The following NRXN3 variants were observed in gnomAD, a reference collection of about 807,000 sequenced individuals.
NRXN3 encodes neurexin III.
A neutral mutation model predicts 137.6 loss-of-function variants in NRXN3; 32 were observed. The ratio of observed to expected loss-of-function variants is 0.23; its 90% CI spans 0.18 to 0.31. The LOEUF (loss-of-function observed/expected upper bound fraction) is 0.31. NRXN3 is among the 10% of genes least tolerant of loss of function. The pLI, the probability that NRXN3 is intolerant of heterozygous loss-of-function variation, is 1.00. For synonymous variants in NRXN3, 798 were observed against 784.5 expected (o/e 1.02, Z -0.29); for missense variants, 1,574 against 2,062.5 (o/e 0.76, Z 4.59).
At chr14:79,300,284 A>G (rs930756266) in intron 15 of NRXN3, among the ~76,000 whole-genome samples, 3 of 152,110 alleles carry the variant, frequency 2.0e-5, no homozygotes, top group Admixed American at 6.6e-5. Flanking sequence ...CGCTGGGGAA[A>G]TCCTCATACA....
intron 15 of NRXN3, among the ~76,000 whole-genome samples, chr14:79,239,695 T>C (rs1407474210): frequency 6.6e-6 from 1 of 152,186 alleles, no homozygotes; most frequent in Non-Finnish European, 1.5e-5. Flanking sequence ...AAATGATATC[T>C]GCACTCTCAT....
intron 15 of NRXN3, among the ~76,000 whole-genome samples, chr14:79,202,508 T>G (rs1365968864): frequency 6.6e-6 from 1 of 152,056 alleles, no homozygotes; most frequent in East Asian, 1.9e-4. Flanking sequence ...GTACCATATT[T>G]GTAGTCTTTT....
rs777630964 is a variant in NRXN3, at chr14:79,569,029, T to TA, written c.3445-94740dup. Among the ~76,000 whole-genome samples the TA allele has an allele frequency of 8.7e-4, 132 of 151,276 alleles. 2 individuals are homozygous for TA. Among genetic ancestry groups the TA allele is most frequent in the South Asian group, 1.5e-3 (7 of 4,766 alleles). On this transcript the variant is annotated intron_variant, in intron 16 of 20. Transcript: ENST00000335750. ...AACATGTGATTGCGGCTCTTAGACT[T>TA]AAAAAAAAATGGCTATTTTCAGAAT...
intron 17 of NRXN3, among the ~76,000 whole-genome samples, chr14:79,683,600 A>G (rs967741925): frequency 1.1e-4 from 16 of 152,188 alleles, no homozygotes; most frequent in African/African-American, 3.6e-4. Flanking sequence ...CACAGTTTCT[A>G]TAGGTCAGAA....
chr14:78,824,125 T>C (rs886350619), intron 10 of NRXN3, among the ~76,000 whole-genome samples: 2 of 146,760 alleles, frequency 1.4e-5, no homozygotes, highest in Non-Finnish European at 3.0e-5. Flanking sequence ...TTTTTTTTTT[T>C]CCAGAGCTGG....
At chr14:79,087,372 C>T (rs968285070) in intron 15 of NRXN3, among the ~76,000 whole-genome samples, 1 of 152,078 alleles carries the variant, frequency 6.6e-6, no homozygotes, top group Non-Finnish European at 1.5e-5. Context: ...GCTGCCATCC[C>T]CGGTGGAGTC....
At chr14:79,034,134 C>T (rs1466655315) in intron 15 of NRXN3, among the ~76,000 whole-genome samples, 1 of 152,036 alleles carries the variant, frequency 6.6e-6, no homozygotes, top group Non-Finnish European at 1.5e-5. Flanking sequence ...CATGTGCCTT[C>T]TAAATCAGAC....
chr14:78,469,016 A>G (rs965070695), intron 4 of NRXN3, among the ~76,000 whole-genome samples: 6 of 152,112 alleles, frequency 3.9e-5, no homozygotes, highest in African/African-American at 1.4e-4. Context: ...TCAAAGATGG[A>G]GGGAGAAAAT....
intron 16 of NRXN3, among the ~76,000 whole-genome samples, chr14:79,630,572 G>A (rs1274336567): frequency 6.6e-6 from 1 of 152,194 alleles, no homozygotes; most frequent in East Asian, 1.9e-4. Flanking sequence ...CAACATATGT[G>A]TTGCAGTTAG....
intron 4 of NRXN3, among the ~76,000 whole-genome samples, chr14:78,332,530 C>T (rs554615921): frequency 2.6e-5 from 4 of 151,974 alleles, no homozygotes; most frequent in South Asian, 4.2e-4. Context: ...TGGCCAGGCT[C>T]GTTTCGAATT....
At chr14:79,123,300 C>T (rs1312937563) in intron 15 of NRXN3, among the ~76,000 whole-genome samples, 1 of 152,120 alleles carries the variant, frequency 6.6e-6, no homozygotes, top group East Asian at 1.9e-4. Context: ...GTCCATTATT[C>T]AACTCAATGT....
chr14:79,474,220 T>C (rs1409688167), intron 16 of NRXN3, among the ~76,000 whole-genome samples: 3 of 152,150 alleles, frequency 2.0e-5, no homozygotes. Flanking sequence ...TAAATGGGCA[T>C]AAAATATTAT....
In NRXN3 at chr14:78,974,519, G is replaced by A. The variant is rs192586713; in HGVS notation, c.3142+6173G>A. The stretch of plus-strand genomic sequence containing the variant: ...CCTAAAGTAAATTGTTTACCAAAGC[G>A]TAGATACAGATTTAGGGACATAGTG... On this transcript the variant is annotated intron_variant, in intron 14 of 20. Coordinates refer to ENST00000335750, the MANE Select transcript of NRXN3 (RefSeq NM_001330195.2). Among the ~76,000 whole-genome samples the A allele has an allele frequency of 5.9e-5, 9 of 152,292 alleles. No homozygotes were observed. The East Asian group carries it at 1.4e-3, about 23-fold the overall frequency.
intron 4 of NRXN3, among the ~76,000 whole-genome samples, chr14:78,456,609 A>G (rs2094709178): frequency 6.6e-6 from 1 of 151,858 alleles, no homozygotes; most frequent in South Asian, 2.1e-4. Flanking sequence ...TTACCTTCTT[A>G]TCATCTGTCA....
intron 2 of NRXN3, among the ~76,000 whole-genome samples, chr14:78,249,156 C>T (rs955636784): frequency 5.3e-5 from 8 of 152,220 alleles, no homozygotes; most frequent in Non-Finnish European, 8.8e-5. Context: ...GACCCTTCTT[C>T]CATGTTCCCC....
At chr14:79,254,822 C>T (rs1015305028) in intron 15 of NRXN3, among the ~76,000 whole-genome samples, 3 of 149,266 alleles carry the variant, frequency 2.0e-5, no homozygotes, top group East Asian at 2.0e-4. Context: ...CCCTCCCTTC[C>T]TTCTTTCCTT....
intron 8 of NRXN3, among the ~76,000 whole-genome samples, chr14:78,730,361 C>T (rs2098509150): frequency 6.6e-6 from 1 of 152,128 alleles, no homozygotes; most frequent in Non-Finnish European, 1.5e-5. Context: ...GTCCTGCTTA[C>T]CTTTTCTTTT....
At chr14:79,342,662 T>C (rs2153367222) in intron 15 of NRXN3, among the ~76,000 whole-genome samples, 1 of 152,334 alleles carries the variant, frequency 6.6e-6, no homozygotes. Context: ...TCAGCTGCGT[T>C]ATCCCCTAGA....
intron 5 of NRXN3, among the ~76,000 whole-genome samples, chr14:78,650,660 TAATAAC>T (rs1454854945): frequency 6.7e-6 from 1 of 149,132 alleles, no homozygotes; most frequent in Non-Finnish European, 1.5e-5. Flanking sequence ...CAAAAAATAT[TAATAAC>T]AATAAAGATA....
Sources: allele counts gnomAD v4.1 joint callset (sites outside exome capture counted in the v4.1 genomes callset), GRCh38; gene constraint gnomAD v4.1.1; transcripts MANE v1.5; gene names NCBI Gene and HGNC (gene_info 2026-07-23, HGNC 2026-07-21).